The following LRP2 variants were observed in gnomAD, a reference collection of about 807,000 sequenced individuals.
The protein encoded by LRP2 is LDL receptor related protein 2.
Under a neutral mutation model 531.0 loss-of-function variants are expected in LRP2, and 172 were observed. That is an observed-to-expected ratio of 0.32 (90% CI 0.29 to 0.37). The LOEUF is 0.37. LRP2 is among the 10% of genes least tolerant of loss of function. LRP2 has a pLI of 1.00. For missense variants in LRP2, 5,167 were observed against 5,868.3 expected (o/e 0.88, Z 3.90); for synonymous variants, 1,992 against 2,027.6 (o/e 0.98, Z 0.47).
intron 61 of LRP2, among the ~76,000 whole-genome samples, chr2:169,168,018 A>AT (rs1686845879): frequency 1.2e-4 from 8 of 68,186 alleles, no homozygotes; most frequent in African/African-American, 4.2e-4. Flanking sequence ...CAGGGTTTAA[A>AT]ATATATATAT....
At chr2:169,332,243 T>G (rs1256972798) in intron 1 of LRP2, among the ~76,000 whole-genome samples, 1 of 152,222 alleles carries the variant, frequency 6.6e-6, no homozygotes, top group Non-Finnish European at 1.5e-5. Context: ...TAGGCTAAAT[T>G]ATTTATAACT....
At chr2:169,183,615 T>A (rs559606514) in intron 50 of LRP2, among the ~76,000 whole-genome samples, 1 of 152,330 alleles carries the variant, frequency 6.6e-6, no homozygotes, top group South Asian at 2.1e-4. Context: ...TTGAGCTTAC[T>A]GCTTTCCCAT....
At chr2:169,141,426 G>T (rs1018556800) in intron 71 of LRP2, among the ~76,000 whole-genome samples, 2 of 152,110 alleles carry the variant, frequency 1.3e-5, no homozygotes, top group Admixed American at 1.3e-4. Context: ...CACACAGGGG[G>T]TTTTGTCTGT....
intron 34 of LRP2, among the ~76,000 whole-genome samples, chr2:169,218,158 T>A (rs185954380): frequency 1.3e-5 from 2 of 152,324 alleles, no homozygotes; most frequent in African/African-American, 4.8e-5. Flanking sequence ...TATTAGATCC[T>A]CAAGTCTCTG....
intron 28 of LRP2, among the ~76,000 whole-genome samples, chr2:169,236,848 T>C (rs1041818424): frequency 1.3e-5 from 2 of 152,184 alleles, no homozygotes; most frequent in Non-Finnish European, 1.5e-5. Context: ...ATTTCAAAAA[T>C]TGTATTGCCA....
chr2:169,204,372 T>A, intron 41 of LRP2, 101 bp from the exon 42 acceptor site: 1 of 1,142,128 alleles, frequency 8.8e-7, no homozygotes, highest in Non-Finnish European at 1.3e-6. Flanking sequence ...TTACACAAGC[T>A]GCAAACTTTC....
Position 169,209,516 on chromosome 2 carries a change from T to A in LRP2, c.6406A>T (p.Asn2136Tyr). 6.2e-7 allele frequency: 1 copy of A among 1,614,140 alleles called. No individual in the cohort carries two copies. The highest frequency in any genetic ancestry group is 8.5e-7 in the Non-Finnish European group (1 of 1,179,992). Residue 2136 changes from asparagine to tyrosine, a missense_variant, in exon 38 of 79, where the codon AAC (asparagine) becomes TAC (tyrosine). Physicochemically the swap from Asn to Tyr is moderately radical, Grantham distance 143. Transcript: ENST00000649046. ...RIKPDGSSLM[N>Y]IVTHGIGENG... Reference sequence around the variant, plus strand: ...TCTCCTATTCCATGTGTCACAATGTTCATCAGAGAAGATCCATCTGGTTTA... The same window carrying A: ...TCTCCTATTCCATGTGTCACAATGTACATCAGAGAAGATCCATCTGGTTTA...
intron 1 of LRP2, among the ~76,000 whole-genome samples, chr2:169,328,226 CGGGA>C (rs1198957713): frequency 2.4e-4 from 27 of 114,134 alleles, no homozygotes; most frequent in Non-Finnish European, 3.4e-4. Context: ...CCGCCCCGTC[CGGGA>C]GGGAGGTGGG....
intron 46 of LRP2, among the ~76,000 whole-genome samples, 158 bp from the exon 47 acceptor site, chr2:169,194,050 C>T (rs531689359): frequency 6.6e-6 from 1 of 152,190 alleles, no homozygotes; most frequent in Admixed American, 6.5e-5. Flanking sequence ...CTAGTACCAG[C>T]GACCAACAGT....
Position 169,176,420 on chromosome 2 carries a change from T to C in LRP2, c.10562A>G (p.Asn3521Ser). ...MCSSTQFLCA[N>S]NEKCIPIWWK... ...GGAAAGAGAGCCTTACTTTTCATTG[T>C]TAGCGCACAGGAACTGGGTGCTGGA... is the stretch of plus-strand genomic sequence containing the variant. Residue 3521 changes from asparagine to serine, a missense_variant, in exon 54 of 79, where the codon AAC (asparagine) becomes AGC (serine). Physicochemically the swap from Asn to Ser is conservative, Grantham distance 46. Transcript: ENST00000649046. 3 of 1,614,162 alleles carry C rather than the reference T, an allele frequency of 1.9e-6. No individual in the cohort carries two copies. The highest frequency in any genetic ancestry group is 2.5e-6 in the Non-Finnish European group (3 of 1,180,012).
chr2:169,309,954 G>T (rs549609361), intron 3 of LRP2, among the ~76,000 whole-genome samples: 7 of 152,082 alleles, frequency 4.6e-5, no homozygotes, highest in Non-Finnish European at 8.8e-5. Context: ...TTGTAAGTTG[G>T]ATTCCTAGGT....
At position 169,162,402 on chromosome 2, in the gene LRP2, T is replaced by C. The variant is rs537344245; in HGVS notation, c.11887+70A>G. The C allele has an allele frequency of 7.0e-4, 1,089 of 1,555,196 alleles. 2 individuals are homozygous for C. The highest frequency in any genetic ancestry group is 8.5e-4 in the Non-Finnish European group (955 of 1,129,886). ...GAAAATGTGGTCAGTGTCTACATTA[T>C]GTTATTGCATGTTTTAATTAGGTAA... On this transcript the variant is annotated intron_variant, in intron 63 of 78. Transcript: ENST00000649046.
intron 1 of LRP2, among the ~76,000 whole-genome samples, chr2:169,329,819 G>A (rs1170128440): frequency 6.6e-6 from 1 of 152,190 alleles, no homozygotes; most frequent in Non-Finnish European, 1.5e-5. Context: ...GTTCCATGAG[G>A]GAGGGGTCCC....
intron 4 of LRP2, among the ~76,000 whole-genome samples, chr2:169,296,155 TG>T (rs1684130710): frequency 6.6e-6 from 1 of 152,166 alleles, no homozygotes; most frequent in Non-Finnish European, 1.5e-5. Context: ...ATCTTTTTTT[TG>T]GTATAGTAAA....
At chr2:169,219,327 T>C (rs1045337792) in intron 34 of LRP2, among the ~76,000 whole-genome samples, 1 of 152,166 alleles carries the variant, frequency 6.6e-6, no homozygotes, top group Non-Finnish European at 1.5e-5. Flanking sequence ...CCACTTGGAA[T>C]GATGCTACAA....
intron 1 of LRP2, among the ~76,000 whole-genome samples, chr2:169,343,660 G>A (rs1685623082): frequency 6.6e-6 from 1 of 152,144 alleles, no homozygotes; most frequent in Non-Finnish European, 1.5e-5. Context: ...GAAAGCAGTC[G>A]AGCTAAATCT....
chr2:169,269,903 T>G (rs1228095312), intron 16 of LRP2, among the ~76,000 whole-genome samples: 1 of 151,844 alleles, frequency 6.6e-6, no homozygotes, highest in East Asian at 1.9e-4. Flanking sequence ...TTAAACAAAT[T>G]TACAAGAAAA....
chr2:169,127,880 C>T lies in LRP2; in HGVS notation c.*783G>A, dbSNP rs1685150979. On this transcript the variant is annotated 3_prime_UTR_variant, in exon 79 of 79. Coordinates refer to ENST00000649046, the MANE Select transcript of LRP2 (RefSeq NM_004525.3). Reference sequence around the variant, plus strand: ...GTGAGGGGAGAAATTGCTCCAGGGTCCATCAGCAGAAGAGCTCATTTAATT... The same window carrying T: ...GTGAGGGGAGAAATTGCTCCAGGGTTCATCAGCAGAAGAGCTCATTTAATT... 1 of 152,266 alleles carries T rather than the reference C, an allele frequency of 6.6e-6. No individual in the cohort carries two copies. Among genetic ancestry groups the T allele is most frequent in the Non-Finnish European group, 1.5e-5 (1 of 68,030 alleles). 9.4% of individuals were successfully genotyped at this position (152,266 alleles called of 1,614,324 possible). A position where few individuals can be genotyped will look rare whatever the true frequency, so the allele number is the denominator to read the frequency against.
rs375755424 is a variant in LRP2, at chr2:169,256,129, G to A, written c.2747C>T (p.Pro916Leu). Reference sequence around the variant, plus strand: ...ACCTCCAAAGATGGCAAGTCCAAACGGATGTGTCATCTGCTCTATATGGCC... The same window carrying A: ...ACCTCCAAAGATGGCAAGTCCAAACAGATGTGTCATCTGCTCTATATGGCC... ...RLGHIEQMTHPFGLAIFGEHL... is the reference protein window; with the variant it reads ...RLGHIEQMTHLFGLAIFGEHL... The change falls in exon 19 of 79, where the codon CCG (proline) becomes CTG (leucine). Residue 916 changes from proline to leucine, a missense_variant. By Grantham distance (98) the Pro-to-Leu change is moderately conservative (BLOSUM62 -3). Coordinates refer to ENST00000649046, the MANE Select transcript of LRP2 (RefSeq NM_004525.3). 149 of 1,612,732 alleles carry A rather than the reference G, an allele frequency of 9.2e-5. No individual in the cohort carries two copies. Among genetic ancestry groups the A allele is most frequent in the Non-Finnish European group, 1.1e-4 (132 of 1,179,172 alleles).
Sources: allele counts gnomAD v4.1 joint callset (sites outside exome capture counted in the v4.1 genomes callset), GRCh38; gene constraint gnomAD v4.1.1; transcripts MANE v1.5; gene names NCBI Gene and HGNC (gene_info 2026-07-23, HGNC 2026-07-21).